The following EBF1 variants were observed in gnomAD, a reference collection of about 807,000 sequenced individuals.
The protein encoded by EBF1 is EBF transcription factor 1.
A neutral mutation model predicts 68.4 loss-of-function variants in EBF1; 10 were observed. That is an observed-to-expected ratio of 0.15 (90% CI 0.09 to 0.25). EBF1 has a LOEUF of 0.25. Ranked by LOEUF, EBF1 falls within the 10% of genes least tolerant of loss-of-function variation. The pLI, the probability that EBF1 is intolerant of heterozygous loss-of-function variation, is 1.00. For missense variants in EBF1, 509 were observed against 794.4 expected, an observed-to-expected ratio of 0.64 and a Z score of 4.32; for synonymous variants, 298 against 299.8, an observed-to-expected ratio of 0.99 and a Z score of 0.06.
At chr5:158,719,741 G>C (rs1761534217) in intron 11 of EBF1, among the ~76,000 whole-genome samples, 1 of 152,144 alleles carries the variant, frequency 6.6e-6, no homozygotes, top group Non-Finnish European at 1.5e-5. Flanking sequence ...AAAGCTGATA[G>C]ATACCCATAC....
At position 159,092,153 on chromosome 5, in the gene EBF1, A is replaced by C. The variant is rs539080797; in HGVS notation, c.411+3467T>G. On this transcript the variant is annotated intron_variant, in intron 4 of 15. Transcript: ENST00000313708. ...ACCTCAGACCTCCCCCACTGGATTC[A>C]TTTGAGCTTCTGCAGTAGATATTGT... is the stretch of plus-strand genomic sequence containing the variant. Among the ~76,000 whole-genome samples the C allele has an allele frequency of 5.9e-5, 9 of 152,308 alleles. No individual in the cohort carries two copies. The East Asian group carries it at 1.5e-3, about 26-fold the overall frequency.
At chr5:158,704,658 G>A (rs954315597) in intron 15 of EBF1, among the ~76,000 whole-genome samples, 8 of 151,432 alleles carry the variant, frequency 5.3e-5, no homozygotes, top group African/African-American at 7.3e-5. Context: ...GAAATAGTTT[G>A]GAAAGTTAAA....
At chr5:158,825,754 G>A (rs923281370) in intron 7 of EBF1, among the ~76,000 whole-genome samples, 1 of 152,022 alleles carries the variant, frequency 6.6e-6, no homozygotes, top group Non-Finnish European at 1.5e-5. Context: ...ATAATACAGA[G>A]AATCTTTATA....
At chr5:158,748,457 C>G (rs1768078660) in intron 10 of EBF1, among the ~76,000 whole-genome samples, 1 of 152,164 alleles carries the variant, frequency 6.6e-6, no homozygotes, top group African/African-American at 2.4e-5. Context: ...CCTGGGGAGT[C>G]TTTTAACTGA....
intron 9 of EBF1, among the ~76,000 whole-genome samples, chr5:158,795,038 A>G (rs765209240): frequency 1.2e-4 from 18 of 152,214 alleles, no homozygotes; most frequent in Middle Eastern, 3.2e-3. Flanking sequence ...ATACCAAGGC[A>G]GCAGCAGCAC....
intron 6 of EBF1, among the ~76,000 whole-genome samples, chr5:159,018,164 T>C (rs1292377549): frequency 6.6e-6 from 1 of 152,088 alleles, no homozygotes; most frequent in Admixed American, 6.6e-5. Context: ...ATCAAAATCA[T>C]CCAAGGACAT....
At chr5:159,018,189 A>T (rs891346203) in intron 6 of EBF1, among the ~76,000 whole-genome samples, 2 of 152,318 alleles carry the variant, frequency 1.3e-5, no homozygotes, top group Admixed American at 1.3e-4. Context: ...ATCTAATCCA[A>T]GGTCTCAACT....
intron 6 of EBF1, among the ~76,000 whole-genome samples, chr5:159,009,542 G>T (rs1006500226): frequency 6.6e-6 from 1 of 152,032 alleles, no homozygotes; most frequent in Non-Finnish European, 1.5e-5. Flanking sequence ...CTATGAATAC[G>T]AAAAAGATGG....
chr5:158,958,596 A>C (rs145594387), intron 6 of EBF1, among the ~76,000 whole-genome samples: 1 of 152,130 alleles, frequency 6.6e-6, no homozygotes, highest in African/African-American at 2.4e-5. Context: ...GGCTATCGCT[A>C]TTACCTAAAT....
intron 6 of EBF1, among the ~76,000 whole-genome samples, chr5:158,968,045 G>C (rs1754528652): frequency 6.6e-6 from 1 of 152,136 alleles, no homozygotes; most frequent in African/African-American, 2.4e-5. Context: ...TTCCCGTTAA[G>C]TACCACATCA....
At chr5:158,752,190 G>A (rs1348252747) in intron 10 of EBF1, among the ~76,000 whole-genome samples, 1 of 151,886 alleles carries the variant, frequency 6.6e-6, no homozygotes, top group African/African-American at 2.4e-5. Flanking sequence ...TTCCACAAAG[G>A]AGCCATTGTT....
intron 9 of EBF1, among the ~76,000 whole-genome samples, chr5:158,794,900 T>G (rs1251831192): frequency 6.6e-6 from 1 of 152,204 alleles, no homozygotes; most frequent in Non-Finnish European, 1.5e-5. Context: ...TACTCCACCT[T>G]TCATACCTGA....
Position 159,073,298 on chromosome 5 carries a change from G to GCCA in EBF1, c.554+95_554+97dup, listed in dbSNP as rs1182686649. Reference sequence around the variant, plus strand: ...AGTCATGACCAACAGGCAAATTTCAGCCACATGCATTCCTAACCCTCGCCC... The same window carrying GCCA: ...AGTCATGACCAACAGGCAAATTTCAGCCACCACATGCATTCCTAACCCTCGCCC... On this transcript the variant is annotated intron_variant, in intron 6 of 15. Coordinates refer to ENST00000313708, the MANE Select transcript of EBF1 (RefSeq NM_024007.5). 3 of 1,288,346 alleles carry GCCA rather than the reference G, an allele frequency of 2.3e-6. No individual in the cohort carries two copies. The African/African-American group carries it at 4.4e-5, about 19-fold the overall frequency. 79.8% of individuals were successfully genotyped at this position (1,288,346 alleles called of 1,614,324 possible). A position where few individuals can be genotyped will look rare whatever the true frequency, so the allele number is the denominator to read the frequency against.
intron 10 of EBF1, among the ~76,000 whole-genome samples, chr5:158,761,534 T>A (rs957833807): frequency 4.6e-5 from 7 of 152,212 alleles, no homozygotes; most frequent in Non-Finnish European, 1.0e-4. Context: ...GTAATTCACA[T>A]TAACTTCATA....
At chr5:158,874,028 A>G (rs547129929) in intron 6 of EBF1, among the ~76,000 whole-genome samples, 18 of 152,300 alleles carry the variant, frequency 1.2e-4, no homozygotes, top group Non-Finnish European at 2.1e-4. Flanking sequence ...AAGAGAGGAG[A>G]TGGAGGATTG....
chr5:158,713,206 AT>A, intron 12 of EBF1, 59 bp from the exon 13 acceptor site: 1 of 1,313,136 alleles, frequency 7.6e-7, no homozygotes, highest in Non-Finnish European at 9.8e-7. Flanking sequence ...CAATAATACC[AT>A]TTTTTCGGTG....
At chr5:158,845,641 G>T (rs958064431) in intron 6 of EBF1, among the ~76,000 whole-genome samples, 3 of 137,438 alleles carry the variant, frequency 2.2e-5, no homozygotes, top group Admixed American at 7.5e-5. Flanking sequence ...TTAAGGTCAA[G>T]AAAAGAAGCA....
intron 6 of EBF1, among the ~76,000 whole-genome samples, chr5:158,979,081 C>T (rs1757400562): frequency 6.6e-6 from 1 of 151,912 alleles, no homozygotes; most frequent in African/African-American, 2.4e-5. Flanking sequence ...TGGAATGTTT[C>T]AGCATAAAGA....
At chr5:159,006,221 A>G (rs1763511863) in intron 6 of EBF1, among the ~76,000 whole-genome samples, 1 of 152,224 alleles carries the variant, frequency 6.6e-6, no homozygotes, top group Non-Finnish European at 1.5e-5. Context: ...AATCAAACTG[A>G]AAGAGTTACA....
Sources: allele counts gnomAD v4.1 joint callset (sites outside exome capture counted in the v4.1 genomes callset), GRCh38; gene constraint gnomAD v4.1.1; transcripts MANE v1.5; gene names NCBI Gene and HGNC (gene_info 2026-07-23, HGNC 2026-07-21).